The following NUP214 variants were observed in gnomAD, a reference collection of about 807,000 sequenced individuals.
The protein encoded by NUP214 is nucleoporin 214.
In NUP214, 79 loss-of-function variants were observed where a neutral mutation model predicts 196.2. That is an observed-to-expected ratio of 0.40 (90% CI 0.34 to 0.49). The LOEUF (loss-of-function observed/expected upper bound fraction) is 0.49. NUP214 is among the 20% of genes least tolerant of loss of function. The pLI is 0.58. For missense variants in NUP214, 2,468 were observed against 2,539.0 expected, an observed-to-expected ratio of 0.97 and a Z score of 0.60; for synonymous variants, 1,020 against 990.5, an observed-to-expected ratio of 1.03 and a Z score of -0.56.
chr9:131,197,212 C>T lies in NUP214; in HGVS notation c.3722-4C>T. ...CCCATTTTCTGATTTCTTTTTCTTG[C>T]TAGGGGCAACACCCTCCACTAAAGA... On this transcript the variant is annotated splice_polypyrimidine_tract_variant and splice_region_variant and intron_variant, in intron 28 of 35. Coordinates refer to ENST00000359428, the MANE Select transcript of NUP214 (RefSeq NM_005085.4). 6.2e-7 allele frequency: 1 copy of T among 1,608,404 alleles called. No individual in the cohort carries two copies. Among genetic ancestry groups the T allele is most frequent in the Non-Finnish European group, 8.5e-7 (1 of 1,175,770 alleles).
At chr9:131,201,255 T>C (rs1030607299) in intron 29 of NUP214, among the ~76,000 whole-genome samples, 2 of 151,196 alleles carry the variant, frequency 1.3e-5, no homozygotes, top group East Asian at 3.9e-4. Flanking sequence ...GATCATGAGG[T>C]CAAGAGATCA....
At chr9:131,133,083 A>G (rs1003820575) in intron 6 of NUP214, 23 bp from the exon 7 acceptor site, 3 of 1,550,402 alleles carry the variant, frequency 1.9e-6, no homozygotes, top group African/African-American at 1.4e-5. Context: ...TTTATGAGCT[A>G]CTGATTAAGA....
chr9:131,147,647 G>A (rs987230323), intron 14 of NUP214, 63 bp downstream of exon 14: 2 of 1,183,926 alleles, frequency 1.7e-6, no homozygotes, highest in Middle Eastern at 1.9e-4. Context: ...GCATACCTAT[G>A]AATAAAATGA....
Position 131,197,197 on chromosome 9 carries a change from G to C in NUP214, c.3722-19G>C, listed in dbSNP as rs1216643134. ...TTTTGCTAAATCCAACCCATTTTCT[G>C]ATTTCTTTTTCTTGCTAGGGGCAAC... On this transcript the variant is annotated intron_variant, in intron 28 of 35. Coordinates refer to ENST00000359428, the MANE Select transcript of NUP214 (RefSeq NM_005085.4). 1 of 1,607,128 alleles carries C rather than the reference G, an allele frequency of 6.2e-7. No individual in the cohort carries two copies. The highest frequency in any genetic ancestry group is 1.1e-5 in the South Asian group (1 of 90,822).
In NUP214 at chr9:131,187,318, C is replaced by T. The variant is rs752474058; in HGVS notation, c.3449C>T (p.Thr1150Ile). The change falls in exon 25 of 36, where the codon ACA becomes ATA. Residue 1150 changes from threonine (T) to isoleucine (I), a missense_variant. Coordinates refer to ENST00000359428, the MANE Select transcript of NUP214 (RefSeq NM_005085.4). ...GSSVPYSTAK[T>I]PHPVLTPVAA... The stretch of plus-strand genomic sequence containing the variant: ...TCAGTGCCCTACTCCACAGCCAAAA[C>T]ACCTCACCCAGTGTTGACCCCAGTG... 6.2e-7 allele frequency: 1 copy of T among 1,613,172 alleles called. No homozygotes were observed. The highest frequency in any genetic ancestry group is 8.5e-7 in the Non-Finnish European group (1 of 1,179,490).
Position 131,130,132 on chromosome 9 carries a change from G to GTTTTGTTTTTTTT in NUP214, c.593-629_593-617dup, listed in dbSNP as rs1259655964. On this transcript the variant is annotated intron_variant, in intron 4 of 35. Coordinates refer to ENST00000359428, the MANE Select transcript of NUP214 (RefSeq NM_005085.4). ...AATGGGAGCAGGAGAATGATTTCTG[G>GTTTTGTTTTTTTT]TTTTGTTTTTTTTTTTTTGTTTTTT... is the stretch of plus-strand genomic sequence containing the variant. Among the ~76,000 whole-genome samples, 27 of 46,602 alleles carry GTTTTGTTTTTTTT rather than the reference G, an allele frequency of 5.8e-4. 4 individuals carry two copies. The East Asian group carries it at 0.018, about 31-fold the overall frequency. The allele number at this position is 46,602 out of a possible 152,430, so 30.6% of individuals were successfully genotyped here.
chr9:131,140,824 C>A, intron 11 of NUP214, 114 bp downstream of exon 11: 1 of 1,098,844 alleles, frequency 9.1e-7, no homozygotes, highest in Admixed American at 2.5e-5. Context: ...CCAGCCTGGT[C>A]TGTCTTAGGA....
chr9:131,178,118 A>G (rs577949668), intron 23 of NUP214, among the ~76,000 whole-genome samples, 193 bp from the exon 24 acceptor site: 5 of 152,132 alleles, frequency 3.3e-5, no homozygotes, highest in Non-Finnish European at 7.4e-5. Flanking sequence ...TTGTTCCATC[A>G]CCTGTGTTAA....
Position 131,146,218 on chromosome 9 carries a change from C to T in NUP214, c.1859C>T (p.Ala620Val), listed in dbSNP as rs774347243. The T allele has an allele frequency of 6.8e-6, 11 of 1,614,022 alleles. No homozygotes were observed. The highest frequency in any genetic ancestry group is 9.3e-6 in the Non-Finnish European group (11 of 1,180,028). The change falls in exon 13 of 36, where the codon GCT becomes GTT. Residue 620 changes from alanine to valine, a missense_variant. Physicochemically the swap from Ala to Val is moderately conservative, Grantham distance 64 (BLOSUM62 0). This residue lies in a region of NUP214 where 1,801 missense variants were observed against 1,779.4 expected (regional missense o/e 1.01). Coordinates refer to ENST00000359428, the MANE Select transcript of NUP214 (RefSeq NM_005085.4). The surrounding 1 kb of genome is among the most constrained non-coding windows in gnomAD (Gnocchi z 4.6). ...TTCTCTTCTGCCTCCAAGCCAGCTG[C>T]TTCTGGACCACTCAGCCACCCCACA... ...SPFSSASKPA[A>V]SGPLSHPTPL...
chr9:131,197,139 G>A lies in NUP214; in HGVS notation c.3722-77G>A, dbSNP rs1833810187. On this transcript the variant is annotated intron_variant, in intron 28 of 35. Coordinates refer to ENST00000359428, the MANE Select transcript of NUP214 (RefSeq NM_005085.4). ...GAGGGAGGAGAGAAACTTTGGCTTA[G>A]AAACACAATCAGTGGAAATGTAATG... The A allele has an allele frequency of 2.6e-6, 4 of 1,555,262 alleles. No homozygotes were observed. The South Asian group carries it at 3.7e-5, about 14-fold the overall frequency.
chr9:131,134,841 G>C (rs781556418), intron 7 of NUP214, 57 bp from the exon 8 acceptor site: 19 of 1,036,264 alleles, frequency 1.8e-5, no homozygotes, highest in Non-Finnish European at 2.8e-5. Flanking sequence ...TTCTTTTGCT[G>C]TGGGATCTGA....
chr9:131,210,461 C>G (rs1834208226), intron 30 of NUP214, among the ~76,000 whole-genome samples: 1 of 152,082 alleles, frequency 6.6e-6, no homozygotes, highest in South Asian at 2.1e-4. Context: ...AACCCCATCT[C>G]TACTAAAAAT....
Position 131,232,468 on chromosome 9 carries a change from TGGAC to T in NUP214, c.6239+161_6239+164del, listed in dbSNP as rs2131115265. 4.0e-6 allele frequency: 3 copies of T among 749,466 alleles called. No individual in the cohort carries two copies. Among genetic ancestry groups the T allele is most frequent in the Admixed American group, 4.1e-5 (2 of 48,976 alleles). 46.4% of individuals were successfully genotyped at this position (749,466 alleles called of 1,614,324 possible). On this transcript the variant is annotated intron_variant, in intron 35 of 35. Coordinates refer to ENST00000359428, the MANE Select transcript of NUP214 (RefSeq NM_005085.4). This position sits in a 1 kb window ranked among gnomAD's most constrained non-coding sequence, Gnocchi z 5.1. ...GTTCAGCAGCAGGGTTTGGGTTTTG[TGGAC>T]TTGCTCTTCTCTGTAGCAATATGGC... is the stretch of plus-strand genomic sequence containing the variant.
chr9:131,173,042 A>G (rs191226100), intron 21 of NUP214, among the ~76,000 whole-genome samples: 92 of 151,980 alleles, frequency 6.1e-4, no homozygotes, highest in African/African-American at 1.9e-3. Context: ...ATTCAATTCT[A>G]TTTTCTCTTT....
rs934461763 is a variant in NUP214 at position 131,127,585 on chromosome 9, A to T, written c.107A>T (p.Lys36Met). 1 of 1,614,158 alleles carries T rather than the reference A, an allele frequency of 6.2e-7. No homozygotes were observed. Reference sequence around the variant, plus strand: ...TTTGACTCCCCTGAGGAATTGCCCAAGGAACGCTCGAGTCTGCTTGCTGTG... The same window carrying T: ...TTTGACTCCCCTGAGGAATTGCCCATGGAACGCTCGAGTCTGCTTGCTGTG... The part of the protein sequence containing the change: ...RIFDSPEELP[K>M]ERSSLLAVSN... The change falls in exon 2 of 36, where the codon AAG becomes ATG. Residue 36 changes from lysine to methionine, a missense_variant. Transcript: ENST00000359428.
intron 24 of NUP214, among the ~76,000 whole-genome samples, chr9:131,184,336 T>TC (rs1491504594): frequency 4.1e-5 from 5 of 123,346 alleles, no homozygotes; most frequent in Admixed American, 2.4e-4. Context: ...GGCCTCTCTC[T>TC]TTTTTTTTTT....
chr9:131,174,858 T>G (rs1349764051), intron 22 of NUP214, among the ~76,000 whole-genome samples: 1 of 152,188 alleles, frequency 6.6e-6, no homozygotes, highest in East Asian at 1.9e-4. Context: ...AGGAGATGGC[T>G]CTCCAAGTTT....
At position 131,150,388 on chromosome 9, in the gene NUP214, T is replaced by TAATGGCTA. The variant is rs752183862; in HGVS notation, c.2112_2113insAAATGGCT (p.Gly705LysfsTer19). 6.2e-7 allele frequency: 1 copy of TAATGGCTA among 1,614,190 alleles called. No homozygotes were observed. Among genetic ancestry groups the TAATGGCTA allele is most frequent in the South Asian group, 1.1e-5 (1 of 91,086 alleles). On this transcript the variant is annotated frameshift_variant, in exon 15 of 36. Coordinates refer to ENST00000359428, the MANE Select transcript of NUP214 (RefSeq NM_005085.4). LOFTEE classifies it high-confidence loss of function. ...CATCAGTGGAAAGATTCAGATCCTG[T>TAATGGCTA]AATGGCTGGAATTGGGGAGGAGGTA...
Position 131,233,666 on chromosome 9 carries a change from G to C in NUP214, c.*179G>C, listed in dbSNP as rs1486310131. The C allele has an allele frequency of 5.6e-6, 4 of 712,336 alleles. No individual in the cohort carries two copies. In the Admixed American group the frequency reaches 8.2e-5, roughly 15 times the overall value. 44.1% of individuals were successfully genotyped at this position (712,336 alleles called of 1,614,324 possible). On this transcript the variant is annotated 3_prime_UTR_variant, in exon 36 of 36. Transcript: ENST00000359428. Reference sequence around the variant, plus strand: ...ATTACTTGTTTTATATTTCATGTTGGGTTTTCCCTCCCACTATTAAACAGT... The same window carrying C: ...ATTACTTGTTTTATATTTCATGTTGCGTTTTCCCTCCCACTATTAAACAGT...
Sources: allele counts gnomAD v4.1 joint callset (sites outside exome capture counted in the v4.1 genomes callset), GRCh38; gene constraint gnomAD v4.1.1; regional missense constraint gnomAD v4.1.1; non-coding constraint Gnocchi (gnomAD v3.1); transcripts MANE v1.5; gene names NCBI Gene and HGNC (gene_info 2026-07-23, HGNC 2026-07-21).